The following MCTP1 variants were observed in gnomAD, a reference collection of about 807,000 sequenced individuals.
MCTP1 encodes multiple C2 and transmembrane domain-containing protein 1.
A neutral mutation model predicts 120.6 loss-of-function variants in MCTP1; 69 were observed. The ratio of observed to expected loss-of-function variants is 0.57; its 90% confidence interval spans 0.47 to 0.70. MCTP1 has a LOEUF of 0.70. MCTP1 is among the 30% of genes least tolerant of loss of function. The pLI, the probability that MCTP1 is intolerant of heterozygous loss-of-function variation, is 0.00. For synonymous variants in MCTP1, 529 were observed against 493.1 expected, an observed-to-expected ratio of 1.07 and a Z score of -0.96; for missense variants, 1,203 against 1,248.8, an observed-to-expected ratio of 0.96 and a Z score of 0.55.
chr5:95,235,614 AT>A (rs984434127), intron 1 of MCTP1, among the ~76,000 whole-genome samples: 5 of 152,068 alleles, frequency 3.3e-5, no homozygotes, highest in African/African-American at 9.7e-5. Context: ...AAAGTTAGAA[AT>A]TTTTTTTAAA....
intron 6 of MCTP1, chr5:94,931,589 C>A: frequency 5.4e-6 from 1 of 185,844 alleles, no homozygotes; most frequent in South Asian, 1.9e-4. Flanking sequence ...TTTCTGTGAC[C>A]CCCCAAAATA....
chr5:95,241,188 T>C (rs1428855638), intron 1 of MCTP1, among the ~76,000 whole-genome samples: 2 of 152,178 alleles, frequency 1.3e-5, no homozygotes, highest in African/African-American at 4.8e-5. Flanking sequence ...TAGCCAAATA[T>C]CTTCTCTATT....
At chr5:94,990,062 A>T (rs569771359) in intron 2 of MCTP1, among the ~76,000 whole-genome samples, 2 of 152,190 alleles carry the variant, frequency 1.3e-5, no homozygotes, top group Non-Finnish European at 2.9e-5. Context: ...TACTGAACCC[A>T]AAAAGGGGAC....
chr5:95,091,227 G>A (rs1041802555), intron 1 of MCTP1, among the ~76,000 whole-genome samples: 8 of 152,048 alleles, frequency 5.3e-5, no homozygotes, highest in Non-Finnish European at 1.2e-4. Flanking sequence ...ATTGTTCTCC[G>A]AGGCTTTCCC....
In MCTP1 at chr5:94,940,202, T is replaced by C. The variant is rs746351154; in HGVS notation, c.1062-7A>G. 1.0e-5 allele frequency: 16 copies of C among 1,530,462 alleles called. No homozygotes were observed. The highest frequency in any genetic ancestry group is 3.5e-5 in the Admixed American group (2 of 56,388). 94.8% of individuals were successfully genotyped at this position (1,530,462 alleles called of 1,614,324 possible). The stretch of plus-strand genomic sequence containing the variant: ...AAGGGTCACATCTGTGGGCCTGTGA[T>C]AGAAAATATTTAGATTTTGAACAGT... On this transcript the variant is annotated splice_polypyrimidine_tract_variant and splice_region_variant and intron_variant, in intron 4 of 22. Coordinates refer to ENST00000515393, the MANE Select transcript of MCTP1 (RefSeq NM_024717.7).
intron 10 of MCTP1, among the ~76,000 whole-genome samples, chr5:94,903,082 C>CAACTCCATTCTTTATTTAAATG (rs1194986961): frequency 2.0e-5 from 3 of 152,036 alleles, no homozygotes; most frequent in Admixed American, 2.0e-4. Flanking sequence ...CGAAAATCAA[C>CAACTCCATTCTTTATTTAAATG]GACAAACTCC....
intron 11 of MCTP1, among the ~76,000 whole-genome samples, chr5:94,892,217 C>T (rs1355129488): frequency 1.3e-5 from 2 of 152,128 alleles, no homozygotes; most frequent in Admixed American, 6.5e-5. Flanking sequence ...CCTTATGACT[C>T]GCTGTCATCT....
chr5:95,281,614 C>T (rs1760324706), intron 1 of MCTP1, among the ~76,000 whole-genome samples: 1 of 152,200 alleles, frequency 6.6e-6, no homozygotes, highest in Non-Finnish European at 1.5e-5. Context: ...CTGCCTATAT[C>T]CCATCTTTCT....
At chr5:94,943,985 C>A (rs924900079) in intron 3 of MCTP1, among the ~76,000 whole-genome samples, 1 of 152,104 alleles carries the variant, frequency 6.6e-6, no homozygotes, top group Non-Finnish European at 1.5e-5. Context: ...ATGCTCAATT[C>A]TTGGCACAAC....
At chr5:94,719,347 G>T (rs1760311168) in intron 19 of MCTP1, among the ~76,000 whole-genome samples, 2 of 152,138 alleles carry the variant, frequency 1.3e-5, no homozygotes, top group African/African-American at 4.8e-5. Flanking sequence ...ATATTATAAA[G>T]ATACATGCAC....
At chr5:94,877,945 G>C (rs1319574724) in intron 12 of MCTP1, among the ~76,000 whole-genome samples, 2 of 152,002 alleles carry the variant, frequency 1.3e-5, no homozygotes, top group Non-Finnish European at 2.9e-5. Flanking sequence ...GTGTGTATGG[G>C]GACCCAGTGA....
intron 1 of MCTP1, among the ~76,000 whole-genome samples, chr5:95,059,826 C>T (rs1748458220): frequency 6.6e-6 from 1 of 152,132 alleles, no homozygotes; most frequent in African/African-American, 2.4e-5. Flanking sequence ...CTCTAGGCAG[C>T]TTTCTTTCAT....
chr5:95,262,200 C>T (rs1337098665), intron 1 of MCTP1, among the ~76,000 whole-genome samples: 2 of 152,142 alleles, frequency 1.3e-5, no homozygotes, highest in Admixed American at 6.6e-5. Context: ...CTTCATGAGT[C>T]GAGCTGAAAT....
intron 19 of MCTP1, among the ~76,000 whole-genome samples, chr5:94,749,930 A>T (rs1310871268): frequency 6.6e-6 from 1 of 152,208 alleles, no homozygotes; most frequent in African/African-American, 2.4e-5. Flanking sequence ...TTTAGGTACC[A>T]AATGAAGCTG....
At position 95,168,155 on chromosome 5, in the gene MCTP1, C is replaced by T. The variant is rs183212246; in HGVS notation, c.720+115701G>A. 2.6e-3 allele frequency among the ~76,000 whole-genome samples: 394 copies of T among 152,270 alleles called. 2 individuals are homozygous for T. The highest frequency in any genetic ancestry group is 9.1e-3 in the African/African-American group (379 of 41,560). On this transcript the variant is annotated intron_variant, in intron 1 of 22. Transcript: ENST00000515393. The stretch of plus-strand genomic sequence containing the variant: ...CAGCACCATTTATTAAATAGGGAAT[C>T]CTTTCCCCATTTCCTGTTTTTGTCA...
chr5:94,863,891 T>C (rs542335265), intron 17 of MCTP1, among the ~76,000 whole-genome samples: 79 of 151,820 alleles, frequency 5.2e-4, no homozygotes, highest in Non-Finnish European at 1.0e-3. Flanking sequence ...AACATCTTTG[T>C]TTTTTCTCTC....
intron 17 of MCTP1, among the ~76,000 whole-genome samples, chr5:94,864,079 A>G (rs527327071): frequency 1.8e-4 from 27 of 152,026 alleles, no homozygotes; most frequent in African/African-American, 6.5e-4. Context: ...ATGAATTGCC[A>G]TAGAAGGAAT....
intron 2 of MCTP1, among the ~76,000 whole-genome samples, chr5:94,958,347 C>T (rs1823215392): frequency 6.6e-6 from 1 of 151,952 alleles, no homozygotes; most frequent in Non-Finnish European, 1.5e-5. Flanking sequence ...CCTAACATCA[C>T]AATTAAGAGA....
chr5:94,777,813 A>C (rs1203412053), intron 19 of MCTP1, among the ~76,000 whole-genome samples: 1 of 152,150 alleles, frequency 6.6e-6, no homozygotes, highest in Non-Finnish European at 1.5e-5. Context: ...AGATTTTGTT[A>C]GTTTATGTTT....
Sources: gnomAD v4.1 joint callset for allele counts (sites outside exome capture counted in the v4.1 genomes callset) on GRCh38, gnomAD v4.1.1 for gene constraint, MANE v1.5 for transcripts, NCBI Gene and HGNC (gene_info 2026-07-23, HGNC 2026-07-21) for gene names.